The following DPP6 variants were observed in gnomAD, a reference collection of about 807,000 sequenced individuals.
DPP6 encodes the protein dipeptidyl peptidase like 6, also known as A-type potassium channel modulatory protein DPP6.
DPP6 carries 69 observed loss-of-function variants against 122.6 expected under a neutral mutation model. The ratio of observed to expected loss-of-function variants is 0.56; its 90% CI spans 0.46 to 0.69. The LOEUF is 0.69. Among genes scored for constraint, DPP6 ranks in the 30% least tolerant of loss-of-function variants. The pLI is 0.00. For missense variants in DPP6, 928 were observed against 1,116.9 expected, an observed-to-expected ratio of 0.83 and a Z score of 2.41; for synonymous variants, 418 against 433.1, an observed-to-expected ratio of 0.97 and a Z score of 0.43.
intron 3 of DPP6, among the ~76,000 whole-genome samples, chr7:154,507,059 G>A (rs1005766015): frequency 5.3e-5 from 8 of 152,144 alleles, no homozygotes; most frequent in Non-Finnish European, 8.8e-5. Context: ...AGTGAACAAA[G>A]TATATTAGTC....
At chr7:154,501,333 TC>T (rs1452978021) in intron 3 of DPP6, among the ~76,000 whole-genome samples, 4 of 152,138 alleles carry the variant, frequency 2.6e-5, no homozygotes, top group African/African-American at 9.7e-5. Flanking sequence ...AAATGTTAAT[TC>T]CCAAGATCCT....
intron 1 of DPP6, among the ~76,000 whole-genome samples, chr7:154,080,073 G>C (rs1333596067): frequency 1.3e-5 from 2 of 151,174 alleles, no homozygotes; most frequent in African/African-American, 2.4e-5. Flanking sequence ...TGCAGGAGCT[G>C]TCATCAGAAG....
At chr7:154,160,324 C>A (rs1796914857) in intron 1 of DPP6, among the ~76,000 whole-genome samples, 1 of 152,106 alleles carries the variant, frequency 6.6e-6, no homozygotes, top group African/African-American at 2.4e-5. Flanking sequence ...TGCTTGTAGG[C>A]CACTGCAGGC....
chr7:154,345,000 C>A (rs1286183407), intron 1 of DPP6, among the ~76,000 whole-genome samples: 3 of 152,200 alleles, frequency 2.0e-5, no homozygotes, highest in South Asian at 4.1e-4. Context: ...AAAAAGTGAT[C>A]ATGTGACCGC....
intron 2 of DPP6, among the ~76,000 whole-genome samples, chr7:154,465,737 G>A (rs1371705142): frequency 6.6e-6 from 1 of 152,174 alleles, no homozygotes; most frequent in Non-Finnish European, 1.5e-5. Context: ...GGAGAAATAG[G>A]AACACTTTTG....
intron 1 of DPP6, among the ~76,000 whole-genome samples, chr7:154,135,673 TG>T (rs1337405860): frequency 6.6e-6 from 1 of 152,060 alleles, no homozygotes; most frequent in Non-Finnish European, 1.5e-5. Context: ...GTGCAATTCC[TG>T]TGAGCACACA....
intron 3 of DPP6, among the ~76,000 whole-genome samples, chr7:154,509,251 C>A (rs1825879243): frequency 6.6e-6 from 1 of 152,076 alleles, no homozygotes; most frequent in South Asian, 2.1e-4. Flanking sequence ...GAACTTATAT[C>A]CAGACTATAT....
chr7:154,339,367 G>A (rs1809717646), intron 1 of DPP6, among the ~76,000 whole-genome samples: 1 of 152,210 alleles, frequency 6.6e-6, no homozygotes, highest in African/African-American at 2.4e-5. Context: ...AACGCGGAGT[G>A]GGAGGAGGCT....
intron 1 of DPP6, among the ~76,000 whole-genome samples, chr7:154,324,402 A>T (rs1369452884): frequency 6.6e-6 from 1 of 152,060 alleles, no homozygotes; most frequent in African/African-American, 2.4e-5. Flanking sequence ...CTGATGCCGG[A>T]TGGGTCTCCA....
chr7:153,750,343 G>A, the DPP6 span, among the ~76,000 whole-genome samples: 432 of 149,278 alleles, frequency 2.9e-3, no homozygotes, highest in African/African-American at 9.8e-3. Flanking sequence ...TACAGGAAAT[G>A]TATTTTAATA....
At chr7:154,783,316 C>T (rs547351005) in intron 10 of DPP6, among the ~76,000 whole-genome samples, 12 of 152,296 alleles carry the variant, frequency 7.9e-5, no homozygotes, top group South Asian at 4.1e-4. Context: ...TCACACAGGA[C>T]GGGCAGGGTC....
chr7:154,733,128 T>C (rs1364775992), intron 8 of DPP6, among the ~76,000 whole-genome samples: 1 of 152,192 alleles, frequency 6.6e-6, no homozygotes, highest in East Asian at 1.9e-4. Context: ...AGAGACTGTC[T>C]TCACTGTCCC....
intron 1 of DPP6, among the ~76,000 whole-genome samples, chr7:154,424,021 G>A (rs1398025060): frequency 1.3e-5 from 2 of 152,106 alleles, no homozygotes; most frequent in Admixed American, 1.3e-4. Flanking sequence ...CACCAATGTG[G>A]ACACATATAT....
At chr7:154,336,628 G>A (rs1477430411) in intron 1 of DPP6, among the ~76,000 whole-genome samples, 1 of 152,208 alleles carries the variant, frequency 6.6e-6, no homozygotes, top group Admixed American at 6.5e-5. Context: ...CAAAAGGCAT[G>A]TGATTCAAGC....
chr7:154,548,663 C>G (rs1410597034), intron 4 of DPP6, among the ~76,000 whole-genome samples: 4 of 152,146 alleles, frequency 2.6e-5, no homozygotes. Context: ...AAGTGACAGT[C>G]AGGGAAGGCC....
chr7:154,387,791 A>C (rs978837102), intron 1 of DPP6, among the ~76,000 whole-genome samples: 3 of 152,178 alleles, frequency 2.0e-5, no homozygotes, highest in African/African-American at 7.2e-5. Flanking sequence ...GTCAGTCACC[A>C]GGAGAAGCTG....
intron 5 of DPP6, among the ~76,000 whole-genome samples, chr7:154,609,515 T>C (rs751569477): frequency 3.9e-5 from 6 of 152,240 alleles, no homozygotes; most frequent in African/African-American, 1.4e-4. Context: ...CACTATCTTA[T>C]ACTCTCAAGC....
In DPP6 at chr7:154,769,576, G is replaced by A; in HGVS notation, c.1038+5G>A. ...AAGCCCTACCACTATCCCAAGGTAG[G>A]CAAAGGGACACCGCACAGCAAATTC... On this transcript the variant is annotated splice_donor_5th_base_variant and intron_variant, in intron 9 of 25. Coordinates refer to ENST00000377770, the MANE Select transcript of DPP6 (RefSeq NM_130797.4). 1 of 1,593,068 alleles carries A rather than the reference G, an allele frequency of 6.3e-7. No homozygotes were observed. Among genetic ancestry groups the A allele is most frequent in the Non-Finnish European group, 8.6e-7 (1 of 1,167,150 alleles).
intron 1 of DPP6, among the ~76,000 whole-genome samples, chr7:154,142,440 G>C (rs192410658): frequency 6.6e-6 from 1 of 152,020 alleles, no homozygotes; most frequent in African/African-American, 2.4e-5. Flanking sequence ...CCCCAAATAT[G>C]TGCAGAAGTG....
Sources: gnomAD v4.1 joint callset for allele counts (sites outside exome capture counted in the v4.1 genomes callset) on GRCh38, gnomAD v4.1.1 for gene constraint, MANE v1.5 for transcripts, NCBI Gene and HGNC (gene_info 2026-07-23, HGNC 2026-07-21) for gene names.